TMEM177: variants seen among roughly 807,000 people sequenced by gnomAD.
TMEM177 encodes the protein transmembrane protein 177.
In TMEM177, 4 loss-of-function variants were observed where a neutral mutation model predicts 14.2. The observed-to-expected ratio is 0.28, with a 90% CI of 0.14 to 0.64. TMEM177 has a LOEUF of 0.64. Ranked by LOEUF, TMEM177 falls within the 30% of genes least tolerant of loss-of-function variation. The pLI is 0.82. For missense variants in TMEM177, 344 were observed against 405.2 expected (o/e 0.85, Z 1.30); for synonymous variants, 179 against 174.5 (o/e 1.03, Z -0.20).
At chr2:119,720,324 G>C in the TMEM177 span, among the ~76,000 whole-genome samples, 1 of 151,670 alleles carries the variant, frequency 6.6e-6, no homozygotes, top group South Asian at 2.1e-4. Flanking sequence ...ACCCAGGCTG[G>C]AGTACAATGG....
chr2:119,693,894 T>TGCAACATGGCATACACACATAAAACACAA, the TMEM177 span, among the ~76,000 whole-genome samples: 1 of 3,140 alleles, frequency 3.2e-4, no homozygotes, highest in Non-Finnish European at 6.5e-4. Flanking sequence ...ACATACCACA[T>TGCAACATGGCATACACACATAAAACACAA]ACACCACACA....
the TMEM177 span, among the ~76,000 whole-genome samples, chr2:119,711,817 C>T: frequency 1.7e-3 from 258 of 152,220 alleles, 1 homozygote; most frequent in Non-Finnish European, 3.1e-3. Flanking sequence ...CAGAAGTCAC[C>T]AGAACAGGCT....
chr2:119,717,883 G>A, the TMEM177 span, among the ~76,000 whole-genome samples: 1 of 152,100 alleles, frequency 6.6e-6, no homozygotes, highest in African/African-American at 2.4e-5. Context: ...GCCTCCCAAA[G>A]TGCTGGGATT....
chr2:119,695,272 C>A, the TMEM177 span, among the ~76,000 whole-genome samples: 1 of 152,164 alleles, frequency 6.6e-6, no homozygotes, highest in Non-Finnish European at 1.5e-5. Flanking sequence ...CCTTTCACAC[C>A]CAGCCCTTTG....
chr2:119,705,619 C>CGTGTGT, the TMEM177 span, among the ~76,000 whole-genome samples: 18,023 of 138,748 alleles, frequency 0.13, 1,269 homozygotes, highest in African/African-American at 0.18. Context: ...CACTCAGATC[C>CGTGTGT]GTGTGTGTGT....
At chr2:119,686,731 AT>A (rs113743552), downstream of TMEM177, among the ~76,000 whole-genome samples, 11 of 149,488 alleles carry the variant, frequency 7.4e-5, 1 homozygote, top group Non-Finnish European at 1.0e-4. Flanking sequence ...TGCCCAGCTA[AT>A]TTTTTTTTTC....
In TMEM177 at chr2:119,681,292, C is replaced by T. The variant is rs531288927; in HGVS notation, c.439C>T (p.Arg147Cys). The part of the protein sequence containing the change: ...ARLRASLTLS[R>C]EAQKFALARE... Reference sequence around the variant, plus strand: ...GCTGAGAGCTTCCCTGACCTTGTCCCGTGAAGCCCAGAAGTTCGCCTTGGC... The same window carrying T: ...GCTGAGAGCTTCCCTGACCTTGTCCTGTGAAGCCCAGAAGTTCGCCTTGGC... Residue 147 changes from arginine to cysteine, a missense_variant, in exon 2 of 2, where the codon CGT (arginine) becomes TGT (cysteine). Coordinates refer to ENST00000272521, the MANE Select transcript of TMEM177 (RefSeq NM_030577.3). 5.9e-5 allele frequency: 95 copies of T among 1,614,260 alleles called. 2 individuals carry two copies. The South Asian group carries it at 7.6e-4, about 13-fold the overall frequency.
downstream of TMEM177, among the ~76,000 whole-genome samples, chr2:119,689,911 G>A (rs1449048146): frequency 6.6e-6 from 1 of 152,200 alleles, no homozygotes; most frequent in Non-Finnish European, 1.5e-5. Context: ...CTTGTAAGAA[G>A]TCCAGAGCCA....
chr2:119,681,062 A>T lies in TMEM177; in HGVS notation c.209A>T (p.Gln70Leu). 1.2e-6 allele frequency: 2 copies of T among 1,614,250 alleles called. No individual in the cohort carries two copies. The highest frequency in any genetic ancestry group is 2.2e-5 in the South Asian group (2 of 91,090). The change falls in exon 2 of 2, where the codon CAG becomes CTG. Residue 70 changes from glutamine to leucine, a missense_variant. Physicochemically the swap from Gln to Leu is moderately radical, Grantham distance 113 (BLOSUM62 -2). Coordinates refer to ENST00000272521, the MANE Select transcript of TMEM177 (RefSeq NM_030577.3). ...CAGAGCCTCTTCCAAGAGGTGCTAC[A>T]GGACATAGGTGTTCCTTCAGGCCAT... ...QLQSLFQEVL[Q>L]DIGVPSGHCY...
In TMEM177 at chr2:119,681,226, C is replaced by T; in HGVS notation, c.373C>T (p.His125Tyr). ...VINTNHPVVI[H>Y]GHTVDWRSPA... ...CAACACTAACCATCCCGTGGTCATA[C>T]ATGGGCATACAGTGGACTGGCGGAG... The change falls in exon 2 of 2, where the codon CAT (histidine) becomes TAT (tyrosine). Residue 125 changes from histidine (H) to tyrosine (Y), a missense_variant. His to Tyr is a moderately conservative substitution (Grantham distance 83). Coordinates refer to ENST00000272521, the MANE Select transcript of TMEM177 (RefSeq NM_030577.3). 1 of 1,614,288 alleles carries T rather than the reference C, an allele frequency of 6.2e-7. No individual in the cohort carries two copies. Among genetic ancestry groups the T allele is most frequent in the South Asian group, 1.1e-5 (1 of 91,086 alleles).
downstream of TMEM177, among the ~76,000 whole-genome samples, chr2:119,687,910 A>G (rs778393610): frequency 8.5e-5 from 13 of 152,248 alleles, no homozygotes; most frequent in Non-Finnish European, 1.2e-4. Context: ...CAATTTGGCA[A>G]AACTTGATAC....
At chr2:119,723,272 T>A in the TMEM177 span, among the ~76,000 whole-genome samples, 5 of 152,172 alleles carry the variant, frequency 3.3e-5, no homozygotes, top group African/African-American at 7.2e-5. Flanking sequence ...AGACTTTACA[T>A]CAGGCTTTGT....
the TMEM177 span, among the ~76,000 whole-genome samples, chr2:119,720,855 T>A: frequency 3.0e-4 from 46 of 152,322 alleles, no homozygotes; most frequent in African/African-American, 1.1e-3. Flanking sequence ...AGAAACCCAA[T>A]TCAAACTGGC....
the TMEM177 span, among the ~76,000 whole-genome samples, chr2:119,709,717 T>C: frequency 6.7e-6 from 1 of 150,002 alleles, no homozygotes; most frequent in South Asian, 2.2e-4. Flanking sequence ...CCCAGCTACT[T>C]GGGAGGCTGA....
the TMEM177 span, among the ~76,000 whole-genome samples, chr2:119,702,775 G>A: frequency 6.6e-6 from 1 of 152,150 alleles, no homozygotes; most frequent in Non-Finnish European, 1.5e-5. Flanking sequence ...AGGCTGAATT[G>A]AACATTTTAA....
chr2:119,708,780 C>G, the TMEM177 span, among the ~76,000 whole-genome samples: 2 of 152,162 alleles, frequency 1.3e-5, no homozygotes, highest in Admixed American at 6.5e-5. Flanking sequence ...CCTTCTCTCA[C>G]AGGGCACACA....
downstream of TMEM177, among the ~76,000 whole-genome samples, chr2:119,685,214 C>A (rs76098172): frequency 4.6e-3 from 3 of 654 alleles, no homozygotes; most frequent in Non-Finnish European, 0.019. Flanking sequence ...CTCAGCCCGC[C>A]CCCCCCCCCC....
Position 119,680,838 on chromosome 2 carries a change from C to T in TMEM177, c.-16C>T, listed in dbSNP as rs1408135389. 3.1e-6 allele frequency: 5 copies of T among 1,602,384 alleles called. No individual in the cohort carries two copies. The highest frequency in any genetic ancestry group is 1.3e-5 in the African/African-American group (1 of 74,786). Reference sequence around the variant, plus strand: ...TCTCTTTTTCTTGGCCCAGATTGTCCGCAGTGACTACACTCATGGCAGGTC... The same window carrying T: ...TCTCTTTTTCTTGGCCCAGATTGTCTGCAGTGACTACACTCATGGCAGGTC... On this transcript the variant is annotated 5_prime_UTR_variant, in exon 2 of 2. Coordinates refer to ENST00000272521, the MANE Select transcript of TMEM177 (RefSeq NM_030577.3).
chr2:119,723,147 CA>C, the TMEM177 span, among the ~76,000 whole-genome samples: 1 of 152,172 alleles, frequency 6.6e-6, no homozygotes, highest in Non-Finnish European at 1.5e-5. Context: ...GGCGCAAAAA[CA>C]GACGAGTAGA....
Sources: allele counts gnomAD v4.1 joint callset (sites outside exome capture counted in the v4.1 genomes callset), GRCh38; gene constraint gnomAD v4.1.1; transcripts MANE v1.5; gene names NCBI Gene and HGNC (gene_info 2026-07-23, HGNC 2026-07-21).